The following NDC80 variants were observed in gnomAD, a reference collection of about 807,000 sequenced individuals.
NDC80 encodes kinetochore protein NDC80 homolog.
A neutral mutation model predicts 89.3 loss-of-function variants in NDC80; 69 were observed. That is an observed-to-expected ratio of 0.77 (90% CI 0.64 to 0.94). NDC80 has a LOEUF of 0.94. NDC80 is among the 40% of genes least tolerant of loss of function. NDC80 has a pLI of 0.00. For synonymous variants in NDC80, 243 were observed against 255.6 expected, an observed-to-expected ratio of 0.95 and a Z score of 0.47; for missense variants, 593 against 739.6, an observed-to-expected ratio of 0.80 and a Z score of 2.30.
intron 11 of NDC80, among the ~76,000 whole-genome samples, chr18:2,598,572 T>A (rs1205423258): frequency 6.6e-6 from 1 of 152,228 alleles, no homozygotes; most frequent in Non-Finnish European, 1.5e-5. Context: ...AAAATATTTT[T>A]ATCAATACAG....
chr18:2,605,561 A>G (rs2033651852), intron 13 of NDC80, among the ~76,000 whole-genome samples: 1 of 152,070 alleles, frequency 6.6e-6, no homozygotes, highest in African/African-American at 2.4e-5. Flanking sequence ...GATATAACAT[A>G]CCTTTAGAAA....
chr18:2,602,625 A>G (rs1050551342), intron 13 of NDC80, among the ~76,000 whole-genome samples: 24 of 152,296 alleles, frequency 1.6e-4, no homozygotes, highest in Middle Eastern at 3.4e-3. Flanking sequence ...CATATCTAAA[A>G]CATCTTTTAG....
intron 7 of NDC80, 151 bp downstream of exon 7, chr18:2,585,353 T>A (rs2072598478): frequency 1.6e-6 from 1 of 621,700 alleles, no homozygotes; most frequent in Non-Finnish European, 2.7e-6. Context: ...TTAATACACT[T>A]AACCTGCCAA....
intron 6 of NDC80, among the ~76,000 whole-genome samples, chr18:2,580,330 C>G (rs551015750): frequency 1.3e-5 from 2 of 151,164 alleles, no homozygotes; most frequent in Non-Finnish European, 2.9e-5. Context: ...ATTTTTTTCT[C>G]TCTCTCTTTT....
chr18:2,575,243 T>C (rs948254237), intron 3 of NDC80, among the ~76,000 whole-genome samples, 177 bp downstream of exon 3: 2 of 152,252 alleles, frequency 1.3e-5, no homozygotes, highest in African/African-American at 4.8e-5. Context: ...ACAGTGTAGC[T>C]AACACATTCA....
intron 13 of NDC80, among the ~76,000 whole-genome samples, chr18:2,603,869 C>T (rs2072697085): frequency 6.6e-6 from 1 of 152,124 alleles, no homozygotes; most frequent in Admixed American, 6.5e-5. Context: ...TTTTCAAATA[C>T]TGAAGACTGG....
intron 7 of NDC80, among the ~76,000 whole-genome samples, 191 bp from the exon 8 acceptor site, chr18:2,587,639 A>T (rs2072608683): frequency 6.6e-6 from 1 of 152,198 alleles, no homozygotes; most frequent in Non-Finnish European, 1.5e-5. Flanking sequence ...CATATTTAGA[A>T]GTAGCAGACT....
rs1481429772 is a variant in NDC80 at position 2,608,657 on chromosome 18, T to C, written c.1558-43T>C. On this transcript the variant is annotated intron_variant, in intron 14 of 16. Coordinates refer to ENST00000261597, the MANE Select transcript of NDC80 (RefSeq NM_006101.3). ...TTAAATCCACCTAGAGTATACAGAA[T>C]GTGAATATCAAGAAACCCATAACCG... 13 of 1,577,078 alleles carry C rather than the reference T, an allele frequency of 8.2e-6. No individual in the cohort carries two copies. In the Admixed American group the frequency reaches 1.0e-4, roughly 13 times the overall value.
chr18:2,600,929 T>C (rs1047726831), intron 12 of NDC80, among the ~76,000 whole-genome samples: 1 of 152,134 alleles, frequency 6.6e-6, no homozygotes, highest in East Asian at 1.9e-4. Flanking sequence ...TTTAGAAAAA[T>C]GACAAGCAAT....
Position 2,573,073 on chromosome 18 carries a change from T to C in NDC80, c.88T>C (p.Tyr30His), listed in dbSNP as rs776310898. The C allele has an allele frequency of 6.2e-7, 1 of 1,613,316 alleles. No individual in the cohort carries two copies. Among genetic ancestry groups the C allele is most frequent in the Non-Finnish European group, 8.5e-7 (1 of 1,179,582 alleles). ...CCAGGATGTAAATAAACAAGGCCTC[T>C]ATACCCCTCAAACGTGAGTATTTCC... is the stretch of plus-strand genomic sequence containing the variant. ...RSQDVNKQGL[Y>H]TPQTKEKPTF... The change falls in exon 2 of 17, where the codon TAT becomes CAT. Residue 30 changes from tyrosine (Y) to histidine (H), a missense_variant. Physicochemically the swap from Tyr to His is moderately conservative, Grantham distance 83. Transcript: ENST00000261597.
At chr18:2,574,237 G>A (rs536886466) in intron 2 of NDC80, among the ~76,000 whole-genome samples, 1 of 152,286 alleles carries the variant, frequency 6.6e-6, no homozygotes, top group African/African-American at 2.4e-5. Flanking sequence ...GACGGAAATA[G>A]GGAGAGATCT....
chr18:2,590,250 G>T, intron 10 of NDC80, 88 bp downstream of exon 10: 2 of 1,354,550 alleles, frequency 1.5e-6, no homozygotes, highest in Non-Finnish European at 2.0e-6. Flanking sequence ...CATATCTTTT[G>T]TTGTTCTGTG....
chr18:2,581,267 G>C (rs1323532447), intron 6 of NDC80, among the ~76,000 whole-genome samples: 1 of 152,114 alleles, frequency 6.6e-6, no homozygotes, highest in Non-Finnish European at 1.5e-5. Context: ...TCTTTGTGCT[G>C]TGTTTAAATC....
At chr18:2,587,791 A>G in intron 7 of NDC80, 39 bp from the exon 8 acceptor site, 2 of 1,503,008 alleles carry the variant, frequency 1.3e-6, no homozygotes, top group Non-Finnish European at 1.9e-6. Flanking sequence ...CCAAATAGAG[A>G]ATCATAACTT....
intron 10 of NDC80, among the ~76,000 whole-genome samples, chr18:2,592,394 C>T (rs2072632241): frequency 6.8e-6 from 1 of 147,262 alleles, no homozygotes; most frequent in Non-Finnish European, 1.5e-5. Context: ...GTCACTCTGT[C>T]GCCCAGGCTG....
chr18:2,577,494 A>T (rs532157585), intron 3 of NDC80: 2 of 342,568 alleles, frequency 5.8e-6, no homozygotes, highest in East Asian at 6.4e-5. Context: ...GATTACAGGC[A>T]TGAGCCACTG....
chr18:2,578,051 T>G lies in NDC80; in HGVS notation c.386T>G (p.Phe129Cys), dbSNP rs764948923. The part of the protein sequence containing the change: ...APSVKDFLKI[F>C]TFLYGFLCPS... ...TCTGTTAAAGACTTCCTGAAGATCT[T>G]CACATTTCTTTATGGCTTCCTGTGC... is the stretch of plus-strand genomic sequence containing the variant. Residue 129 changes from phenylalanine to cysteine, a missense_variant, in exon 5 of 17, where the codon TTC becomes TGC. Physicochemically the swap from Phe to Cys is radical, Grantham distance 205. Coordinates refer to ENST00000261597, the MANE Select transcript of NDC80 (RefSeq NM_006101.3). 2 of 1,614,064 alleles carry G rather than the reference T, an allele frequency of 1.2e-6. No individual in the cohort carries two copies. The highest frequency in any genetic ancestry group is 1.7e-6 in the Non-Finnish European group (2 of 1,180,004).
intron 11 of NDC80, among the ~76,000 whole-genome samples, chr18:2,598,307 T>C (rs2072667839): frequency 6.6e-6 from 1 of 152,222 alleles, no homozygotes; most frequent in Non-Finnish European, 1.5e-5. Context: ...TTCAATCTAA[T>C]ATTAAGTATC....
intron 6 of NDC80, among the ~76,000 whole-genome samples, chr18:2,581,445 G>A (rs1489996711): frequency 1.3e-5 from 2 of 152,164 alleles, no homozygotes; most frequent in Admixed American, 6.5e-5. Context: ...TAGATCACCC[G>A]AGATCAGAAG....
Sources: allele counts gnomAD v4.1 joint callset (sites outside exome capture counted in the v4.1 genomes callset), GRCh38; gene constraint gnomAD v4.1.1; transcripts MANE v1.5; gene names NCBI Gene and HGNC (gene_info 2026-07-23, HGNC 2026-07-21).